MYOM3: variants seen among roughly 807,000 people sequenced by gnomAD.
The protein encoded by MYOM3 is myomesin-3.
In MYOM3, 155 loss-of-function variants were observed where a neutral mutation model predicts 191.7. The observed-to-expected ratio is 0.81, with a 90% CI of 0.71 to 0.92. The LOEUF (loss-of-function observed/expected upper bound fraction) is 0.92. Among genes scored for constraint, MYOM3 ranks in the 40% least tolerant of loss-of-function variants. The pLI is 0.00. For synonymous variants in MYOM3, 757 were observed against 762.9 expected (o/e 0.99, Z 0.13); for missense variants, 1,889 against 1,890.6 (o/e 1.00, Z 0.02).
chr1:24,065,359 T>C (rs1643420756), intron 29 of MYOM3, among the ~76,000 whole-genome samples: 1 of 152,236 alleles, frequency 6.6e-6, no homozygotes. Context: ...GTTTCTCTCT[T>C]AACCAGGCCA....
In MYOM3 at chr1:24,094,937, C is replaced by A. The variant is rs781161391; in HGVS notation, c.844G>T (p.Ala282Ser). Residue 282 changes from alanine to serine, a missense_variant, in exon 9 of 37, where the codon GCT becomes TCT. Ala to Ser is a moderately conservative substitution (Grantham distance 99, BLOSUM62 1). Transcript: ENST00000374434. The part of the protein sequence containing the change: ...EFTSVLKPVF[A>S]REKEPFSLSC... ...AGGGAGAAGGGTTCCTTCTCACGAG[C>A]AAAGACTGGCTTCAGCACCGAGGTG... The A allele has an allele frequency of 8.7e-6, 14 of 1,614,012 alleles. No individual in the cohort carries two copies. Among genetic ancestry groups the A allele is most frequent in the African/African-American group, 6.7e-5 (5 of 74,930 alleles).
intron 35 of MYOM3, 26 bp from the exon 36 acceptor site, chr1:24,059,005 C>T (rs367707335): frequency 2.0e-5 from 31 of 1,584,066 alleles, no homozygotes; most frequent in Admixed American, 6.8e-5. Context: ...GAGACCCCAG[C>T]GATGAATCCT....
At chr1:24,059,997 C>G (rs1458629870) in intron 35 of MYOM3, among the ~76,000 whole-genome samples, 1 of 152,216 alleles carries the variant, frequency 6.6e-6, no homozygotes, top group Non-Finnish European at 1.5e-5. Context: ...GTCACCAACC[C>G]TTCACAGCTG....
In MYOM3 at chr1:24,097,200, T is replaced by C. The variant is rs561778821; in HGVS notation, c.745+723A>G. On this transcript the variant is annotated intron_variant, in intron 7 of 36. Coordinates refer to ENST00000374434, the MANE Select transcript of MYOM3 (RefSeq NM_152372.4). ...TGGGGAGTTGCTGGGGTTTGGCTTT[T>C]GTCCCTGAGGACCCCTCAGCAGGGT... is the stretch of plus-strand genomic sequence containing the variant. 4.6e-5 allele frequency among the ~76,000 whole-genome samples: 7 copies of C among 152,330 alleles called. No homozygotes were observed. In the East Asian group the frequency reaches 1.4e-3, roughly 29 times the overall value.
In MYOM3 at chr1:24,081,342, T is replaced by C; in HGVS notation, c.2395A>G (p.Met799Val). The C allele has an allele frequency of 6.2e-7, 1 of 1,613,890 alleles. No homozygotes were observed. The change falls in exon 19 of 37, where the codon ATG (methionine) becomes GTG (valine). Residue 799 changes from methionine (M) to valine (V), a missense_variant. By Grantham distance (21) the Met-to-Val change is conservative. Coordinates refer to ENST00000374434, the MANE Select transcript of MYOM3 (RefSeq NM_152372.4). Reference sequence around the variant, plus strand: ...GCAGGCCTCTCACCTGGCTGGGGCATTGTCCACTCTTTGCACTCAAACAGG... The same window carrying C: ...GCAGGCCTCTCACCTGGCTGGGGCACTGTCCACTCTTTGCACTCAAACAGG... ...SSLFECKEWT[M>V]PQPGPPYDVR...
intron 35 of MYOM3, among the ~76,000 whole-genome samples, chr1:24,060,838 C>A (rs960775099): frequency 6.6e-6 from 1 of 152,150 alleles, no homozygotes; most frequent in Non-Finnish European, 1.5e-5. Context: ...CATGTGCCTG[C>A]GAGAACCAGG....
At chr1:24,066,407 G>A (rs914979042) in intron 28 of MYOM3, 25 of 598,958 alleles carry the variant, frequency 4.2e-5, no homozygotes, top group Non-Finnish European at 5.9e-5. Context: ...GTTCAGTACC[G>A]TGCAGAGTGG....
chr1:24,107,092 C>T lies in MYOM3; in HGVS notation c.383G>A (p.Trp128Ter). 6.2e-7 allele frequency: 1 copy of T among 1,608,718 alleles called. No individual in the cohort carries two copies. The highest frequency in any genetic ancestry group is 8.5e-7 in the Non-Finnish European group (1 of 1,177,810). The change falls in exon 4 of 37, where the codon TGG (tryptophan) becomes TAG (stop). Residue 128 changes from tryptophan (W) to a stop codon, truncating the protein, a stop_gained. Transcript: ENST00000374434. LOFTEE classifies it high-confidence loss of function. ...CCTTACCCGCCGCCTCAGCGTCTTCCAGTCCCGCCTCTGGCGCAGCAGCCG... is the reference window on the plus strand; with the variant it reads ...CCTTACCCGCCGCCTCAGCGTCTTCTAGTCCCGCCTCTGGCGCAGCAGCCG... ...THRLLRQRRD[W>*]KTLRRRTEEK...
At chr1:24,109,098 T>C (rs868207917) in intron 1 of MYOM3, among the ~76,000 whole-genome samples, 3 of 152,220 alleles carry the variant, frequency 2.0e-5, no homozygotes, top group East Asian at 3.9e-4. Flanking sequence ...GCACCGGCCA[T>C]GTTCAGTCCT....
At chr1:24,059,779 T>G (rs1353792969) in intron 35 of MYOM3, among the ~76,000 whole-genome samples, 2 of 152,188 alleles carry the variant, frequency 1.3e-5, no homozygotes, top group Non-Finnish European at 2.9e-5. Flanking sequence ...AGTGTGGTTG[T>G]CAACCACTAA....
chr1:24,071,236 C>T lies in MYOM3; in HGVS notation c.3031G>A (p.Gly1011Ser), dbSNP rs373707597. 5.8e-5 allele frequency: 93 copies of T among 1,613,228 alleles called. No homozygotes were observed. The highest frequency in any genetic ancestry group is 7.9e-5 in the Non-Finnish European group (93 of 1,179,688). The change falls in exon 25 of 37, where the codon GGC becomes AGC. Residue 1011 changes from glycine (G) to serine (S), a missense_variant. Gly to Ser is a moderately conservative substitution (Grantham distance 56). Coordinates refer to ENST00000374434, the MANE Select transcript of MYOM3 (RefSeq NM_152372.4). ...IRNPVIKLISGWNIDILERGE... is the reference protein window; with the variant it reads ...IRNPVIKLISSWNIDILERGE... Reference sequence around the variant, plus strand: ...CGCTCCAGGATGTCAATGTTCCAGCCGGAGATCAGTTTGATCACTGGGAGG... The same window carrying T: ...CGCTCCAGGATGTCAATGTTCCAGCTGGAGATCAGTTTGATCACTGGGAGG...
chr1:24,108,658 T>C lies in MYOM3; in HGVS notation c.-18-4A>G. 6.5e-7 allele frequency: 1 copy of C among 1,533,172 alleles called. No homozygotes were observed. The highest frequency in any genetic ancestry group is 8.8e-7 in the Non-Finnish European group (1 of 1,142,146). The allele number at this position is 1,533,172 out of a possible 1,614,324, so 95.0% of individuals were successfully genotyped here. A position where few individuals can be genotyped will look rare whatever the true frequency, so the allele number is the denominator to read the frequency against. ...TCATGGTTACGAGAGCAACAACCTGTGAAGGCCAAGGTCCACGGTCATTCC... is the reference window on the plus strand; with the variant it reads ...TCATGGTTACGAGAGCAACAACCTGCGAAGGCCAAGGTCCACGGTCATTCC... On this transcript the variant is annotated splice_region_variant and splice_polypyrimidine_tract_variant and intron_variant, in intron 1 of 36. Transcript: ENST00000374434.
intron 19 of MYOM3, among the ~76,000 whole-genome samples, chr1:24,080,453 C>T (rs548782402): frequency 4.3e-4 from 66 of 152,290 alleles, no homozygotes; most frequent in African/African-American, 1.5e-3. Flanking sequence ...CCCTGACCTT[C>T]CCCATCCCCA....
chr1:24,089,301 T>C lies in MYOM3; in HGVS notation c.1614+237A>G, dbSNP rs181067240. ...ATTGTTGTCTGTGTCTTGTATTTTGTGTATTTCCACGAACAGCCTCAGGAA... is the reference window on the plus strand; with the variant it reads ...ATTGTTGTCTGTGTCTTGTATTTTGCGTATTTCCACGAACAGCCTCAGGAA... On this transcript the variant is annotated intron_variant, in intron 14 of 36. Coordinates refer to ENST00000374434, the MANE Select transcript of MYOM3 (RefSeq NM_152372.4). 3.7e-4 allele frequency among the ~76,000 whole-genome samples: 56 copies of C among 152,324 alleles called. No homozygotes were observed. In the East Asian group the frequency reaches 6.2e-3, roughly 17 times the overall value.
chr1:24,095,674 C>A (rs1643875180), intron 7 of MYOM3, among the ~76,000 whole-genome samples, 188 bp from the exon 8 acceptor site: 1 of 152,172 alleles, frequency 6.6e-6, no homozygotes, highest in Non-Finnish European at 1.5e-5. Context: ...GACAGTAATT[C>A]CTACCTGGAG....
chr1:24,100,582 G>A (rs1643904671), intron 5 of MYOM3, among the ~76,000 whole-genome samples: 1 of 152,158 alleles, frequency 6.6e-6, no homozygotes, highest in Non-Finnish European at 1.5e-5. Flanking sequence ...AGCCGGAGGA[G>A]CTTTCAAAAA....
intron 5 of MYOM3, among the ~76,000 whole-genome samples, chr1:24,104,025 C>T (rs1371630871): frequency 6.6e-6 from 1 of 152,202 alleles, no homozygotes; most frequent in Non-Finnish European, 1.5e-5. Flanking sequence ...CGCTTAGAGG[C>T]AGGAGACCTG....
intron 36 of MYOM3, 99 bp downstream of exon 36, chr1:24,058,825 G>T: frequency 1.1e-6 from 1 of 917,070 alleles, no homozygotes; most frequent in Non-Finnish European, 1.8e-6. Flanking sequence ...CCACTCTTTG[G>T]CTTTGAATCC....
chr1:24,084,776 G>T, intron 15 of MYOM3, 137 bp from the exon 16 acceptor site: 1 of 794,052 alleles, frequency 1.3e-6, no homozygotes, highest in Non-Finnish European at 2.0e-6. Flanking sequence ...GACCTGCTGG[G>T]GGCTTTGGGA....
Sources: gnomAD v4.1 joint callset for allele counts (sites outside exome capture counted in the v4.1 genomes callset) on GRCh38, gnomAD v4.1.1 for gene constraint, MANE v1.5 for transcripts, NCBI Gene and HGNC (gene_info 2026-07-23, HGNC 2026-07-21) for gene names.